Variants in ZNF248 observed in about 807,000 individuals in gnomAD.
ZNF248 encodes the protein KRAB protein domain.
Under a neutral mutation model 44.3 loss-of-function variants are expected in ZNF248, and 20 were observed. The ratio of observed to expected loss-of-function variants is 0.45; its 90% CI spans 0.32 to 0.66. The LOEUF (loss-of-function observed/expected upper bound fraction) is 0.66, where lower values mean the gene tolerates loss of function less well. ZNF248 is among the 30% of genes least tolerant of loss of function. The pLI, the probability that ZNF248 is intolerant of heterozygous loss-of-function variation, is 0.04. For missense variants in ZNF248, 654 were observed against 677.0 expected, an observed-to-expected ratio of 0.97 and a Z score of 0.38; for synonymous variants, 224 against 229.0, an observed-to-expected ratio of 0.98 and a Z score of 0.20.
At chr10:37,827,299 G>A (rs1199244890), downstream of ZNF248, among the ~76,000 whole-genome samples, 1 of 152,142 alleles carries the variant, frequency 6.6e-6, no homozygotes, top group Non-Finnish European at 1.5e-5. Context: ...AGAATTTTTG[G>A]CTGTTACTGA....
the ZNF248 span, among the ~76,000 whole-genome samples, chr10:37,767,248 C>G: frequency 6.6e-6 from 1 of 152,094 alleles, no homozygotes; most frequent in Middle Eastern, 3.2e-3. Flanking sequence ...GGCAGGCCAA[C>G]GTTCAGATTC....
intron 3 of ZNF248, among the ~76,000 whole-genome samples, chr10:37,844,939 TC>T (rs2059027688): frequency 8.9e-5 from 2 of 22,476 alleles, no homozygotes; most frequent in Non-Finnish European, 1.7e-4. Flanking sequence ...TCCTCTTCCC[TC>T]CCCCTTCCCT....
chr10:37,819,516 C>A, intron 6 of ZNF248: 1 of 1,112,984 alleles, frequency 9.0e-7, no homozygotes, highest in Non-Finnish European at 1.4e-6. Flanking sequence ...CCTCCTCTAT[C>A]CAAAAGATGT....
At chr10:37,851,837 G>C (rs1047434189) in intron 3 of ZNF248, among the ~76,000 whole-genome samples, 1 of 148,510 alleles carries the variant, frequency 6.7e-6, no homozygotes, top group Admixed American at 6.8e-5. Context: ...AGAGAAACTG[G>C]ATCATGCGTA....
chr10:37,786,229 C>A lies in ZNF248; in HGVS notation c.331-9654G>T, dbSNP rs146355163. On this transcript the variant is annotated intron_variant, in intron 6 of 6. Transcript: ENST00000615949. ...GCAGAGATCAATCAGATTCTTTTGG[C>A]AGGATGATTTCACGGGAATCCTTCT... Among the ~76,000 whole-genome samples the A allele has an allele frequency of 3.0e-3, 450 of 152,292 alleles. 1 individual carries two copies. The highest frequency in any genetic ancestry group is 0.01 in the African/African-American group (430 of 41,552).
chr10:37,856,394 A>T, intron 2 of ZNF248, 41 bp downstream of exon 2: 1 of 1,603,494 alleles, frequency 6.2e-7, no homozygotes, highest in Non-Finnish European at 8.5e-7. Flanking sequence ...TGCAGTTCGG[A>T]GATTCACCTG....
At chr10:37,802,349 T>A (rs1332979787) in intron 6 of ZNF248, among the ~76,000 whole-genome samples, 1 of 152,184 alleles carries the variant, frequency 6.6e-6, no homozygotes, top group Non-Finnish European at 1.5e-5. Flanking sequence ...AAAACTTGCA[T>A]GCAAGGTCCC....
chr10:37,768,537 G>C, the ZNF248 span, among the ~76,000 whole-genome samples: 1 of 152,056 alleles, frequency 6.6e-6, no homozygotes, highest in African/African-American at 2.4e-5. Flanking sequence ...TACATAACGA[G>C]ATGAAGGCAG....
chr10:37,807,089 T>G (rs561997556), intron 6 of ZNF248, among the ~76,000 whole-genome samples: 12 of 152,190 alleles, frequency 7.9e-5, no homozygotes, highest in Non-Finnish European at 1.6e-4. Context: ...GTTCAAGTGA[T>G]TCTCCTGTCT....
intron 3 of ZNF248, among the ~76,000 whole-genome samples, chr10:37,841,451 A>G (rs964432325): frequency 1.9e-4 from 29 of 151,492 alleles, no homozygotes; most frequent in Non-Finnish European, 4.0e-4. Flanking sequence ...TGTCTACCAA[A>G]AAAAAAAAAA....
In ZNF248 at chr10:37,830,946, C is replaced by A; in HGVS notation, c.*669G>T. On this transcript the variant is annotated 3_prime_UTR_variant, in exon 6 of 6. Coordinates refer to ENST00000395867, the MANE Select transcript of ZNF248 (RefSeq NM_021045.3). The stretch of plus-strand genomic sequence containing the variant: ...TTTTAATAACTGGCTCACAAAATTC[C>A]TTAAAATTTAACAATCAGAACTTTT... 2.5e-6 allele frequency: 1 copy of A among 402,956 alleles called. No homozygotes were observed. The highest frequency in any genetic ancestry group is 5.8e-5 in the Admixed American group (1 of 17,234). The allele number at this position is 402,956 out of a possible 1,614,324, so 25.0% of individuals were successfully genotyped here. A position where few individuals can be genotyped will look rare whatever the true frequency, so the allele number is the denominator to read the frequency against.
chr10:37,760,513 G>A, the ZNF248 span, among the ~76,000 whole-genome samples: 4 of 152,280 alleles, frequency 2.6e-5, no homozygotes, highest in Admixed American at 1.3e-4. Context: ...ATGAGCCACT[G>A]TGCCTGGCCT....
At position 37,831,486 on chromosome 10, in the gene ZNF248, T is replaced by C. The variant is rs570012028; in HGVS notation, c.*129A>G. The C allele has an allele frequency of 4.6e-5, 67 of 1,460,042 alleles. No homozygotes were observed. The highest frequency in any genetic ancestry group is 5.9e-5 in the Non-Finnish European group (65 of 1,108,182). 90.4% of individuals were successfully genotyped at this position (1,460,042 alleles called of 1,614,324 possible). A position where few individuals can be genotyped will look rare whatever the true frequency, so the allele number is the denominator to read the frequency against. On this transcript the variant is annotated 3_prime_UTR_variant, in exon 6 of 6. Transcript: ENST00000395867. Reference sequence around the variant, plus strand: ...TTTTCTAATGAAAAGTTTTAATTTTTCTTGAAAGCTTTTACATATTCAAAC... The same window carrying C: ...TTTTCTAATGAAAAGTTTTAATTTTCCTTGAAAGCTTTTACATATTCAAAC...
intron 6 of ZNF248, among the ~76,000 whole-genome samples, chr10:37,815,348 G>A (rs754104757): frequency 1.3e-5 from 2 of 151,998 alleles, no homozygotes; most frequent in South Asian, 4.1e-4. Context: ...ATAGTCATAA[G>A]CCACCGCGCT....
chr10:37,825,423 G>A (rs1173928694), downstream of ZNF248, among the ~76,000 whole-genome samples: 1 of 152,094 alleles, frequency 6.6e-6, no homozygotes, highest in Admixed American at 6.6e-5. Flanking sequence ...TGACAATGGT[G>A]GGCGCACATT....
chr10:37,806,413 CTTCTT>C (rs1013350209), intron 6 of ZNF248, among the ~76,000 whole-genome samples: 82 of 152,144 alleles, frequency 5.4e-4, no homozygotes, highest in Middle Eastern at 3.4e-3. Flanking sequence ...CCCTCCCTTC[CTTCTT>C]TTGATAGTAG....
At chr10:37,784,858 A>C (rs1182209253) in intron 6 of ZNF248, among the ~76,000 whole-genome samples, 1 of 152,186 alleles carries the variant, frequency 6.6e-6, no homozygotes, top group Admixed American at 6.5e-5. Context: ...AAAAACAAAA[A>C]ACAAAACAAA....
rs531047666 is a variant in ZNF248, at chr10:37,790,392, C to G, written c.331-13817G>C. Among the ~76,000 whole-genome samples the G allele has an allele frequency of 3.0e-3, 449 of 151,862 alleles. 1 individual carries two copies. Among genetic ancestry groups the G allele is most frequent in the Middle Eastern group, 6.8e-3 (2 of 294 alleles). ...CCTGGGAGTTCAAGACCAGCCTGTG[C>G]AACATAGGGAGACGCTGTCTCTACA... is the stretch of plus-strand genomic sequence containing the variant. On this transcript the variant is annotated intron_variant, in intron 6 of 6. Transcript: ENST00000615949.
chr10:37,843,404 A>T (rs2058702768), intron 3 of ZNF248, among the ~76,000 whole-genome samples: 1 of 151,082 alleles, frequency 6.6e-6, no homozygotes, highest in South Asian at 2.1e-4. Flanking sequence ...CAGCCTGGCG[A>T]CAGAGCAAGA....
Sources: gnomAD v4.1 joint callset for allele counts (sites outside exome capture counted in the v4.1 genomes callset) on GRCh38, gnomAD v4.1.1 for gene constraint, MANE v1.5 for transcripts, NCBI Gene and HGNC (gene_info 2026-07-23, HGNC 2026-07-21) for gene names.